IKBKE: variants seen among roughly 807,000 people sequenced by gnomAD.
The protein encoded by IKBKE is inhibitor of nuclear factor kappa-B kinase subunit epsilon.
Under a neutral mutation model 92.1 loss-of-function variants are expected in IKBKE, and 45 were observed. The observed-to-expected ratio is 0.49, with a 90% CI of 0.38 to 0.63. IKBKE has a LOEUF of 0.63. IKBKE is among the 20% of genes least tolerant of loss of function. The probability of loss-of-function intolerance (pLI) is 0.00; values close to 1 mark genes in which losing one functional copy is unlikely to be tolerated. For synonymous variants in IKBKE, 374 were observed against 380.3 expected (o/e 0.98, Z 0.19); for missense variants, 700 against 932.8 (o/e 0.75, Z 3.25).
In IKBKE at chr1:206,478,408, A is replaced by C; in HGVS notation, c.992+69A>C. 6.8e-7 allele frequency: 1 copy of C among 1,470,316 alleles called. No homozygotes were observed. Among genetic ancestry groups the C allele is most frequent in the Non-Finnish European group, 9.4e-7 (1 of 1,063,826 alleles). The allele number at this position is 1,470,316 out of a possible 1,614,324, so 91.1% of individuals were successfully genotyped here. On this transcript the variant is annotated intron_variant, in intron 9 of 21. Coordinates refer to ENST00000581977, the MANE Select transcript of IKBKE (RefSeq NM_014002.4). This position sits in a 1 kb window ranked among gnomAD's most constrained non-coding sequence, Gnocchi z 4.8. ...CCAAGCAGCAGTGCATGTCCAAAGC[A>C]GCATCTCCCACAGTACGTTCTGAGG...
In IKBKE at chr1:206,472,587, T is replaced by TCA. The variant is rs57402838; in HGVS notation, c.-32-585_-32-584dup. Among the ~76,000 whole-genome samples, 509 of 150,084 alleles carry TCA rather than the reference T, an allele frequency of 3.4e-3. 1 individual carries two copies. Among genetic ancestry groups the TCA allele is most frequent in the African/African-American group, 8.9e-3 (365 of 40,860 alleles). ...TACACACATACACACACACACACTC[T>TCA]CACACACACACACACACACACACAC... On this transcript the variant is annotated intron_variant, in intron 2 of 21. Coordinates refer to ENST00000581977, the MANE Select transcript of IKBKE (RefSeq NM_014002.4).
At chr1:206,492,989 G>A in intron 18 of IKBKE, 34 bp from the exon 19 acceptor site, 1 of 1,538,214 alleles carries the variant, frequency 6.5e-7, no homozygotes, top group Non-Finnish European at 8.8e-7. Flanking sequence ...GCTGAGTCCT[G>A]CTCTAATTCT....
chr1:206,474,595 A>C, intron 4 of IKBKE, 124 bp downstream of exon 4: 1 of 898,036 alleles, frequency 1.1e-6, no homozygotes, highest in Non-Finnish European at 1.7e-6. Context: ...CAGCAGGCAA[A>C]TTGCAGAAGG....
At position 206,496,499 on chromosome 1, in the gene IKBKE, T is replaced by C; in HGVS notation, c.*354T>C. 3.0e-6 allele frequency: 1 copy of C among 328,026 alleles called. No homozygotes were observed. Among genetic ancestry groups the C allele is most frequent in the Non-Finnish European group, 5.7e-6 (1 of 175,402 alleles). 20.3% of individuals were successfully genotyped at this position (328,026 alleles called of 1,614,324 possible). On this transcript the variant is annotated 3_prime_UTR_variant, in exon 22 of 22. Coordinates refer to ENST00000581977, the MANE Select transcript of IKBKE (RefSeq NM_014002.4). Reference sequence around the variant, plus strand: ...ACGCCTTCCCACTCCCTCTGGTTTATAGGACTTCACTCCCTAGCCAACAGG... The same window carrying C: ...ACGCCTTCCCACTCCCTCTGGTTTACAGGACTTCACTCCCTAGCCAACAGG...
chr1:206,492,289 C>T, intron 18 of IKBKE: 1 of 379,740 alleles, frequency 2.6e-6, no homozygotes, highest in Non-Finnish European at 5.4e-6. Context: ...CTTCTCAGAT[C>T]AGGCCCACTC....
intron 4 of IKBKE, 149 bp from the exon 5 acceptor site, chr1:206,474,716 G>A (rs528119410): frequency 5.7e-5 from 53 of 926,510 alleles, no homozygotes; most frequent in East Asian, 1.8e-4. Context: ...TCCAGTGTGC[G>A]GGATCAGTGT....
intron 13 of IKBKE, 150 bp from the exon 14 acceptor site, chr1:206,484,847 G>A (rs1321187388): frequency 6.3e-6 from 4 of 633,308 alleles, no homozygotes; most frequent in African/African-American, 1.8e-5. Flanking sequence ...TGGCGCCTCT[G>A]TCCCAAACAC....
At position 206,479,003 on chromosome 1, in the gene IKBKE, G is replaced by A. The variant is rs1553386250; in HGVS notation, c.1053G>A (p.Glu351=). ...KQTSVAPRHQ[E]YLFEGHLCVL... Reference sequence around the variant, plus strand: ...CCAGTGTGGCCCCCCGACACCAGGAGTACCTCTTTGAGGGTCACCTCTGTG... The same window carrying A: ...CCAGTGTGGCCCCCCGACACCAGGAATACCTCTTTGAGGGTCACCTCTGTG... The change falls in exon 10 of 22, where the codon GAG becomes GAA. Residue 351 remains glutamate (E), a synonymous_variant. Transcript: ENST00000581977. The A allele has an allele frequency of 6.2e-7, 1 of 1,614,138 alleles. No individual in the cohort carries two copies.
Position 206,487,358 on chromosome 1 carries a change from C to T in IKBKE, c.1617-556C>T, listed in dbSNP as rs995703689. On this transcript the variant is annotated intron_variant, in intron 15 of 21. Coordinates refer to ENST00000581977, the MANE Select transcript of IKBKE (RefSeq NM_014002.4). The surrounding 1 kb of genome is among the most constrained non-coding windows in gnomAD (Gnocchi z 5.3). ...ATCATCTCCCCAGTTCCTCCGCCTC[C>T]GGGCAGGACCGAGGCCTGTTGATTC... is the stretch of plus-strand genomic sequence containing the variant. Among the ~76,000 whole-genome samples, 1 of 152,350 alleles carries T rather than the reference C, an allele frequency of 6.6e-6. No individual in the cohort carries two copies. Among genetic ancestry groups the T allele is most frequent in the South Asian group, 2.1e-4 (1 of 4,830 alleles).
At chr1:206,482,290 C>G (rs17022816) in intron 13 of IKBKE, among the ~76,000 whole-genome samples, 6,175 of 152,120 alleles carry the variant, frequency 0.041, 207 homozygotes, top group African/African-American at 0.095. Context: ...GCATAGAGGC[C>G]CTGAAGGAGT....
intron 19 of IKBKE, 69 bp downstream of exon 19, chr1:206,493,188 C>T (rs1364144026): frequency 2.6e-6 from 4 of 1,556,096 alleles, no homozygotes; most frequent in African/African-American, 1.4e-5. Context: ...CCATGTCTTC[C>T]CCTCCTCCAG....
At chr1:206,491,128 T>C in intron 17 of IKBKE, 1 of 546,670 alleles carries the variant, frequency 1.8e-6, no homozygotes, top group Non-Finnish European at 3.3e-6. Context: ...CTAGTTGTCC[T>C]CACTGATGCA....
At position 206,493,333 on chromosome 1, in the gene IKBKE, C is replaced by G. The variant is rs1666050536; in HGVS notation, c.2000C>G (p.Pro667Arg). The change falls in exon 20 of 22, where the codon CCC (proline) becomes CGC (arginine). Residue 667 changes from proline to arginine, a missense_variant. Transcript: ENST00000581977. ...AAGGGGGCTCAGGCCTCGCCGCCTC[C>G]CATAGCTCCTTACCCCAGCCCTACA... ...RAKGAQASPP[P>R]IAPYPSPTRK... 2 of 1,614,032 alleles carry G rather than the reference C, an allele frequency of 1.2e-6. No homozygotes were observed.
chr1:206,481,713 A>C (rs2103466015), intron 13 of IKBKE, among the ~76,000 whole-genome samples: 1 of 139,302 alleles, frequency 7.2e-6, no homozygotes, highest in Non-Finnish European at 1.5e-5. Flanking sequence ...GTTGGGTAAG[A>C]GGAGACCTGA....
At position 206,476,387 on chromosome 1, in the gene IKBKE, T is replaced by TG. The variant is rs1183166173; in HGVS notation, c.540+26dup. The TG allele has an allele frequency of 2.5e-6, 4 of 1,580,372 alleles. No individual in the cohort carries two copies. Among genetic ancestry groups the TG allele is most frequent in the Non-Finnish European group, 3.4e-6 (4 of 1,159,862 alleles). ...GGTGGGTGAGCTGCTCGAGACCCGC[T>TG]GCCCTATGCTGAGGGCTCCCCTTGC... On this transcript the variant is annotated intron_variant, in intron 6 of 21. Transcript: ENST00000581977. This position sits in a 1 kb window ranked among gnomAD's most constrained non-coding sequence, Gnocchi z 5.1.
Position 206,493,402 on chromosome 1 carries a change from T to C in IKBKE, c.2045+24T>C, listed in dbSNP as rs782080762. On this transcript the variant is annotated intron_variant, in intron 20 of 21. Transcript: ENST00000581977. ...CAGTAAGTGCTGGGGAGAAAGCGGT[T>C]GTGTATCTGTGTGGAAGGGGGTTGC... 7 of 1,519,872 alleles carry C rather than the reference T, an allele frequency of 4.6e-6. No individual in the cohort carries two copies. The South Asian group carries it at 7.9e-5, about 17-fold the overall frequency. The allele number at this position is 1,519,872 out of a possible 1,614,324, so 94.1% of individuals were successfully genotyped here.
At position 206,476,728 on chromosome 1, in the gene IKBKE, G is replaced by T; in HGVS notation, c.591G>T (p.Ala197=). Residue 197 remains alanine (A), a synonymous_variant, in exon 7 of 22, where the codon GCG becomes GCT. Coordinates refer to ENST00000581977, the MANE Select transcript of IKBKE (RefSeq NM_014002.4). This position sits in a 1 kb window ranked among gnomAD's most constrained non-coding sequence, Gnocchi z 5.1. ...TGCTTCGAAAGCCCCAGCAAAAAGC[G>T]TTCGGGGTGACTGTGGATCTCTGGA... The part of the protein sequence containing the change: ...RAVLRKPQQK[A]FGVTVDLWSI... 6.2e-7 allele frequency: 1 copy of T among 1,614,246 alleles called. No individual in the cohort carries two copies. The highest frequency in any genetic ancestry group is 8.5e-7 in the Non-Finnish European group (1 of 1,180,032).
intron 15 of IKBKE, among the ~76,000 whole-genome samples, chr1:206,486,454 C>T (rs1224056232): frequency 6.7e-6 from 1 of 149,152 alleles, no homozygotes; most frequent in Admixed American, 6.7e-5. Context: ...CTGCGGATCC[C>T]AGGCCCTGTC....
At chr1:206,483,120 C>T (rs546951715) in intron 13 of IKBKE, among the ~76,000 whole-genome samples, 51 of 152,382 alleles carry the variant, frequency 3.3e-4, no homozygotes, top group African/African-American at 1.1e-3. Context: ...GGGCTTCCCC[C>T]AGCCCCGCCA....
Sources: allele counts gnomAD v4.1 joint callset (sites outside exome capture counted in the v4.1 genomes callset), GRCh38; gene constraint gnomAD v4.1.1; non-coding constraint Gnocchi (gnomAD v3.1); transcripts MANE v1.5; gene names NCBI Gene and HGNC (gene_info 2026-07-23, HGNC 2026-07-21).